The following STRN3 variants were observed in gnomAD, a reference collection of about 807,000 sequenced individuals.
The protein encoded by STRN3 is striatin-3.
STRN3 carries 29 observed loss-of-function variants against 95.6 expected under a neutral mutation model. The observed-to-expected ratio is 0.30, with a 90% CI of 0.23 to 0.41. STRN3 has a LOEUF of 0.41. STRN3 is among the 10% of genes least tolerant of loss of function. The pLI, the probability that STRN3 is intolerant of heterozygous loss-of-function variation, is 1.00. For synonymous variants in STRN3, 331 were observed against 357.6 expected (o/e 0.93, Z 0.84); for missense variants, 890 against 972.1 (o/e 0.92, Z 1.12).
chr14:30,903,323 A>T (rs1896375090), intron 15 of STRN3, among the ~76,000 whole-genome samples: 1 of 152,200 alleles, frequency 6.6e-6, no homozygotes, highest in South Asian at 2.1e-4. Context: ...TTGAGGAGAT[A>T]CTGGGAAAGA....
intron 9 of STRN3, among the ~76,000 whole-genome samples, chr14:30,917,435 A>G (rs540401364): frequency 6.6e-6 from 1 of 152,310 alleles, no homozygotes; most frequent in Admixed American, 6.5e-5. Context: ...GCTTTGCCTT[A>G]AATTGCAAAA....
At chr14:30,944,800 G>A (rs528158076) in intron 5 of STRN3, among the ~76,000 whole-genome samples, 73 of 151,606 alleles carry the variant, frequency 4.8e-4, no homozygotes, top group Admixed American at 7.9e-4. Flanking sequence ...AGTAGAGATG[G>A]GGTTTCACCA....
intron 9 of STRN3, among the ~76,000 whole-genome samples, chr14:30,913,984 A>T (rs746913354): frequency 1.3e-5 from 2 of 152,218 alleles, no homozygotes; most frequent in Non-Finnish European, 2.9e-5. Context: ...GAAATAGGAC[A>T]AATTTTGATT....
intron 8 of STRN3, among the ~76,000 whole-genome samples, 181 bp downstream of exon 8, chr14:30,929,020 T>A (rs1878338975): frequency 6.6e-6 from 1 of 152,180 alleles, no homozygotes; most frequent in Non-Finnish European, 1.5e-5. Context: ...GATTTTCTAC[T>A]TGATCAATAA....
intron 7 of STRN3, chr14:30,932,397 C>T (rs1566443033): frequency 2.0e-5 from 3 of 152,052 alleles, no homozygotes; most frequent in African/African-American, 4.8e-5. Flanking sequence ...GAAAAAATGA[C>T]TATAACATCT....
chr14:31,015,955 C>T (rs921288332), intron 1 of STRN3, among the ~76,000 whole-genome samples: 2 of 152,142 alleles, frequency 1.3e-5, no homozygotes, highest in Non-Finnish European at 2.9e-5. Flanking sequence ...CACATGCTAC[C>T]ATGCCTGGCT....
intron 1 of STRN3, among the ~76,000 whole-genome samples, chr14:30,971,041 C>T (rs1880802917): frequency 6.6e-6 from 1 of 152,236 alleles, no homozygotes; most frequent in South Asian, 2.1e-4. Flanking sequence ...ATCCAGCCTC[C>T]ATCTCCCAAC....
At position 30,984,894 on chromosome 14, in the gene STRN3, A is replaced by C. The variant is rs1356261275; in HGVS notation, c.283-28652T>G. 2.6e-5 allele frequency among the ~76,000 whole-genome samples: 4 copies of C among 152,244 alleles called. No individual in the cohort carries two copies. In the East Asian group the frequency reaches 7.7e-4, roughly 29 times the overall value. On this transcript the variant is annotated intron_variant, in intron 1 of 17. Coordinates refer to ENST00000357479, the MANE Select transcript of STRN3 (RefSeq NM_001083893.2). Reference sequence around the variant, plus strand: ...TTTGTTATACCCCTTTAGAAGTAATACATACTTAATGATTTGAATAGATGA... The same window carrying C: ...TTTGTTATACCCCTTTAGAAGTAATCCATACTTAATGATTTGAATAGATGA...
chr14:30,923,632 TA>T, intron 8 of STRN3, among the ~76,000 whole-genome samples: 1 of 152,298 alleles, frequency 6.6e-6, no homozygotes, highest in African/African-American at 2.4e-5. Flanking sequence ...GGGGAAAGCC[TA>T]TACATCTTTT....
intron 7 of STRN3, among the ~76,000 whole-genome samples, chr14:30,933,294 A>T (rs992116059): frequency 2.0e-5 from 3 of 150,322 alleles, no homozygotes; most frequent in Non-Finnish European, 4.4e-5. Flanking sequence ...AAAAAAAAAA[A>T]AAAAAAAAAA....
At chr14:30,975,588 A>T (rs1299641848) in intron 1 of STRN3, among the ~76,000 whole-genome samples, 1 of 151,756 alleles carries the variant, frequency 6.6e-6, no homozygotes, top group African/African-American at 2.4e-5. Context: ...GAAAGAAAGA[A>T]AGAAAAGAAA....
chr14:31,023,719 C>T (rs2139363665), intron 1 of STRN3, among the ~76,000 whole-genome samples: 1 of 151,768 alleles, frequency 6.6e-6, no homozygotes, highest in African/African-American at 2.4e-5. Context: ...ATGTATTCAA[C>T]ACATACATTT....
At chr14:30,900,507 G>A (rs1313140095) in intron 16 of STRN3, among the ~76,000 whole-genome samples, 2 of 150,850 alleles carry the variant, frequency 1.3e-5, no homozygotes, top group Non-Finnish European at 2.9e-5. Flanking sequence ...CCAGAACTTT[G>A]GGAGACTGAG....
At position 30,988,191 on chromosome 14, in the gene STRN3, C is replaced by T. The variant is rs1316127899; in HGVS notation, c.283-31949G>A. ...TTTATTATACTGAACAAGACTAACA[C>T]TGATTTGACATATTAAAAAACAATG... On this transcript the variant is annotated intron_variant, in intron 1 of 17. Transcript: ENST00000357479. Among the ~76,000 whole-genome samples, 10 of 152,326 alleles carry T rather than the reference C, an allele frequency of 6.6e-5. No homozygotes were observed. In the South Asian group the frequency reaches 1.7e-3, roughly 25 times the overall value.
chr14:30,938,473 T>C (rs1358048142), intron 5 of STRN3, among the ~76,000 whole-genome samples: 1 of 152,164 alleles, frequency 6.6e-6, no homozygotes. Context: ...CTTTGAAAAA[T>C]TAAGTACTGC....
At chr14:30,899,372 C>T (rs138690416) in intron 16 of STRN3, among the ~76,000 whole-genome samples, 40 of 152,298 alleles carry the variant, frequency 2.6e-4, no homozygotes, top group African/African-American at 8.7e-4. Flanking sequence ...AAATTGAAAA[C>T]TTTAAATCCT....
intron 16 of STRN3, among the ~76,000 whole-genome samples, chr14:30,901,207 G>C (rs1387818566): frequency 6.6e-6 from 1 of 151,816 alleles, no homozygotes; most frequent in East Asian, 1.9e-4. Context: ...TTGGGAGGCT[G>C]ACATGGGAGG....
At chr14:30,994,505 A>G (rs1312132490) in intron 1 of STRN3, among the ~76,000 whole-genome samples, 1 of 152,250 alleles carries the variant, frequency 6.6e-6, no homozygotes, top group Non-Finnish European at 1.5e-5. Flanking sequence ...AACTGTATGC[A>G]TAGGGATCTT....
intron 1 of STRN3, among the ~76,000 whole-genome samples, chr14:30,966,539 A>G (rs548570253): frequency 6.6e-6 from 1 of 152,282 alleles, no homozygotes; most frequent in Admixed American, 6.5e-5. Context: ...CCGAGCTCTC[A>G]GCAACGCAGA....
Sources: allele counts gnomAD v4.1 joint callset (sites outside exome capture counted in the v4.1 genomes callset), GRCh38; gene constraint gnomAD v4.1.1; transcripts MANE v1.5; gene names NCBI Gene and HGNC (gene_info 2026-07-23, HGNC 2026-07-21).